RC3H2: variants seen among roughly 807,000 people sequenced by gnomAD.
The protein encoded by RC3H2 is roquin-2.
Under a neutral mutation model 133.3 loss-of-function variants are expected in RC3H2, and 31 were observed. The observed-to-expected ratio is 0.23, with a 90% CI of 0.17 to 0.31. The LOEUF (loss-of-function observed/expected upper bound fraction) is 0.31, where lower values mean the gene tolerates loss of function less well. RC3H2 is among the 10% of genes least tolerant of loss of function. RC3H2 has a pLI of 1.00. For missense variants in RC3H2, 1,175 were observed against 1,437.2 expected, an observed-to-expected ratio of 0.82 and a Z score of 2.95; for synonymous variants, 517 against 502.2, an observed-to-expected ratio of 1.03 and a Z score of -0.40.
At chr9:122,859,262 T>G (rs1391664230) in intron 11 of RC3H2, among the ~76,000 whole-genome samples, 160 bp from the exon 12 acceptor site, 2 of 143,408 alleles carry the variant, frequency 1.4e-5, no homozygotes, top group Admixed American at 7.1e-5. Context: ...CTTTTTTTTT[T>G]TTTTTTTTTT....
chr9:122,866,623 T>C (rs1588070144), intron 9 of RC3H2, among the ~76,000 whole-genome samples: 1 of 152,066 alleles, frequency 6.6e-6, no homozygotes, highest in Non-Finnish European at 1.5e-5. Context: ...GCTGGGCTGG[T>C]CTCCAGCTCC....
At chr9:122,889,346 A>G (rs1832066282) in intron 4 of RC3H2, among the ~76,000 whole-genome samples, 1 of 152,034 alleles carries the variant, frequency 6.6e-6, no homozygotes, top group South Asian at 2.1e-4. Flanking sequence ...GTATATTTTT[A>G]TTTTTAATAA....
intron 10 of RC3H2, among the ~76,000 whole-genome samples, chr9:122,861,052 G>C (rs577833976): frequency 9.2e-5 from 14 of 152,130 alleles, no homozygotes; most frequent in South Asian, 4.2e-4. Context: ...ATACTTGCTG[G>C]GTGAATGAAA....
rs1316264814 is a variant in RC3H2 at position 122,860,123 on chromosome 9, C to T, written c.1643G>A (p.Gly548Asp). The change falls in exon 11 of 21, where the codon GGT (glycine) becomes GAT (aspartate). Residue 548 changes from glycine to aspartate, a missense_variant. This residue lies in a region of RC3H2 where 490 missense variants were observed against 492.8 expected (regional missense o/e 0.99). Transcript: ENST00000357244. ...ACTTACAGGAGTCTTGGGTGGAGAA[C>T]CAATTTTACTGGAGAGAAAATTTAA... is the stretch of plus-strand genomic sequence containing the variant. ...SADSVTENKI[G>D]SPPKTPVSNV... 6.2e-7 allele frequency: 1 copy of T among 1,613,390 alleles called. No individual in the cohort carries two copies. The highest frequency in any genetic ancestry group is 8.5e-7 in the Non-Finnish European group (1 of 1,179,564).
rs1564283822 is a variant in RC3H2 at position 122,854,516 on chromosome 9, T to C, written c.2900+15A>G. 14 of 1,588,650 alleles carry C rather than the reference T, an allele frequency of 8.8e-6. No individual in the cohort carries two copies. In the South Asian group the frequency reaches 8.8e-5, roughly 10 times the overall value. ...CTGAGAATGGAGAATCATATAGAATTAAGAAGAACGTTACCTTTCAACATA... is the reference window on the plus strand; with the variant it reads ...CTGAGAATGGAGAATCATATAGAATCAAGAAGAACGTTACCTTTCAACATA... On this transcript the variant is annotated intron_variant, in intron 16 of 20. Coordinates refer to ENST00000357244, the MANE Select transcript of RC3H2 (RefSeq NM_001100588.3).
At chr9:122,858,138 T>C in intron 12 of RC3H2, 45 bp from the exon 13 acceptor site, 1 of 1,551,330 alleles carries the variant, frequency 6.4e-7, no homozygotes, top group Non-Finnish European at 8.8e-7. Flanking sequence ...TAGGGAGTGG[T>C]GAATAAATTT....
chr9:122,905,178 G>C lies in RC3H2; in HGVS notation c.-136C>G. The C allele has an allele frequency of 1.0e-6, 1 of 985,454 alleles. No individual in the cohort carries two copies. The highest frequency in any genetic ancestry group is 1.2e-6 in the Non-Finnish European group (1 of 829,938). 61.0% of individuals were successfully genotyped at this position (985,454 alleles called of 1,614,324 possible). On this transcript the variant is annotated 5_prime_UTR_variant, in exon 1 of 21. Transcript: ENST00000357244. ...CCCCGCGACGGCGCGGCTTGGCGAC[G>C]GAGGCGCCTCGTCTCGCCGGGGCAG...
intron 1 of RC3H2, among the ~76,000 whole-genome samples, chr9:122,901,926 TTC>T (rs1832667368): frequency 6.7e-6 from 1 of 149,542 alleles, no homozygotes; most frequent in Non-Finnish European, 1.5e-5. Flanking sequence ...AGATAACTAC[TTC>T]TTTTTTTTTT....
At position 122,855,819 on chromosome 9, in the gene RC3H2, G is replaced by T; in HGVS notation, c.2514C>A (p.Pro838=). The T allele has an allele frequency of 6.2e-7, 1 of 1,613,554 alleles. No individual in the cohort carries two copies. Among genetic ancestry groups the T allele is most frequent in the South Asian group, 1.1e-5 (1 of 91,036 alleles). The change falls in exon 14 of 21, where the codon CCC becomes CCA. Residue 838 remains proline (P), a synonymous_variant. Coordinates refer to ENST00000357244, the MANE Select transcript of RC3H2 (RefSeq NM_001100588.3). The part of the protein sequence containing the change: ...FEEDHLSHYS[P]WSCGTIGSCI... The stretch of plus-strand genomic sequence containing the variant: ...AGGAGCCTATGGTGCCACAAGACCA[G>T]GGAGAATAATGGGAAAGATGATCTT...
At chr9:122,866,475 C>T (rs1200191536) in intron 9 of RC3H2, among the ~76,000 whole-genome samples, 1 of 147,610 alleles carries the variant, frequency 6.8e-6, no homozygotes, top group African/African-American at 2.5e-5. Context: ...GACTGTACTG[C>T]TGCCATCTCG....
intron 9 of RC3H2, among the ~76,000 whole-genome samples, chr9:122,867,721 G>A (rs1830775609): frequency 3.7e-5 from 4 of 106,964 alleles, no homozygotes; most frequent in East Asian, 2.3e-4. Flanking sequence ...CCGCGACCCC[G>A]TCTGGGAGGT....
intron 18 of RC3H2, among the ~76,000 whole-genome samples, chr9:122,853,093 T>C (rs1052729979): frequency 5.3e-5 from 8 of 152,172 alleles, no homozygotes; most frequent in African/African-American, 1.9e-4. Context: ...TCCAACCCTG[T>C]GCTCTCTGAA....
At chr9:122,850,535 C>T (rs368626618) in intron 20 of RC3H2, among the ~76,000 whole-genome samples, 8 of 151,104 alleles carry the variant, frequency 5.3e-5, no homozygotes, top group Admixed American at 3.3e-4. Flanking sequence ...CTCCGCCTCC[C>T]GGGTTCAAGC....
At chr9:122,894,617 C>T (rs1194788059) in intron 2 of RC3H2, among the ~76,000 whole-genome samples, 4 of 152,208 alleles carry the variant, frequency 2.6e-5, no homozygotes, top group East Asian at 1.9e-4. Flanking sequence ...CGGTTGCTCA[C>T]GCCTATAATC....
At chr9:122,883,485 A>G (rs987283127) in intron 4 of RC3H2, 106 bp from the exon 5 acceptor site, 17 of 716,986 alleles carry the variant, frequency 2.4e-5, no homozygotes, top group Non-Finnish European at 3.7e-5. Context: ...CCCATTACCC[A>G]TAATTTATAT....
intron 8 of RC3H2, among the ~76,000 whole-genome samples, chr9:122,878,258 C>A (rs986469314): frequency 1.6e-4 from 25 of 151,816 alleles, no homozygotes; most frequent in African/African-American, 5.6e-4. Flanking sequence ...GACAGCACAA[C>A]CTTTTTTATT....
At chr9:122,868,891 ATG>A (rs1481536631) in intron 9 of RC3H2, among the ~76,000 whole-genome samples, 1 of 11,902 alleles carries the variant, frequency 8.4e-5, no homozygotes, top group African/African-American at 1.9e-4. Flanking sequence ...GTGTGTGTGT[ATG>A]TGTTTTTTTT....
At chr9:122,903,877 G>C (rs1212697393) in intron 1 of RC3H2, among the ~76,000 whole-genome samples, 1 of 152,190 alleles carries the variant, frequency 6.6e-6, no homozygotes, top group Non-Finnish European at 1.5e-5. Flanking sequence ...CAGTGGTATA[G>C]CTTTTTAGAC....
intron 1 of RC3H2, among the ~76,000 whole-genome samples, chr9:122,901,009 A>C (rs947587820): frequency 6.6e-6 from 1 of 152,200 alleles, no homozygotes; most frequent in African/African-American, 2.4e-5. Context: ...TATGATTCAA[A>C]TTACAAACTG....
Sources: allele counts gnomAD v4.1 joint callset (sites outside exome capture counted in the v4.1 genomes callset), GRCh38; gene constraint gnomAD v4.1.1; regional missense constraint gnomAD v4.1.1; transcripts MANE v1.5; gene names NCBI Gene and HGNC (gene_info 2026-07-23, HGNC 2026-07-21).